Variants in GPM6A observed in about 807,000 individuals in gnomAD.
GPM6A encodes the protein glycoprotein M6A.
In GPM6A, 7 loss-of-function variants were observed where a neutral mutation model predicts 32.1. That is an observed-to-expected ratio of 0.22 (90% CI 0.12 to 0.41). The LOEUF is 0.41. GPM6A is among the 10% of genes least tolerant of loss of function. GPM6A has a pLI of 1.00. For synonymous variants in GPM6A, 130 were observed against 123.4 expected, an observed-to-expected ratio of 1.05 and a Z score of -0.35; for missense variants, 235 against 347.2, an observed-to-expected ratio of 0.68 and a Z score of 2.57.
intron 1 of GPM6A, among the ~76,000 whole-genome samples, chr4:175,997,669 T>C (rs780327717): frequency 7.9e-5 from 12 of 152,152 alleles, no homozygotes; most frequent in Non-Finnish European, 1.8e-4. Context: ...GAGGGTGTCA[T>C]AGTTTTCCTG....
At position 175,684,340 on chromosome 4, in the gene GPM6A, CT is replaced by C. The variant is rs1743854724; in HGVS notation, c.231-10505del. Among the ~76,000 whole-genome samples, 3 of 152,112 alleles carry C rather than the reference CT, an allele frequency of 2.0e-5. No individual in the cohort carries two copies. The South Asian group carries it at 6.2e-4, about 31-fold the overall frequency. On this transcript the variant is annotated intron_variant, in intron 2 of 6. Transcript: ENST00000393658. ...TTATCAGTGTTTATTTTTATTACAT[CT>C]CATCTGGGATTTTATCACAGTTAGA...
At chr4:175,847,927 T>C (rs1332724124) in intron 1 of GPM6A, among the ~76,000 whole-genome samples, 1 of 152,210 alleles carries the variant, frequency 6.6e-6, no homozygotes, top group Non-Finnish European at 1.5e-5. Context: ...GGTATGGCAC[T>C]ATCATCCACT....
intron 1 of GPM6A, among the ~76,000 whole-genome samples, chr4:175,917,253 AGTTTT>A (rs1243524130): frequency 5.3e-5 from 8 of 151,824 alleles, no homozygotes; most frequent in Admixed American, 3.9e-4. Context: ...ACACAATCAC[AGTTTT>A]GTTTTGTTTT....
At chr4:175,677,198 T>C (rs939571356) in intron 2 of GPM6A, among the ~76,000 whole-genome samples, 8 of 152,206 alleles carry the variant, frequency 5.3e-5, no homozygotes, top group African/African-American at 9.6e-5. Context: ...ATGAATATTA[T>C]ATAATGTGTG....
chr4:175,961,472 CA>C (rs1177184106), intron 1 of GPM6A: 1 of 152,116 alleles, frequency 6.6e-6, no homozygotes, highest in African/African-American at 2.4e-5. Flanking sequence ...CACAGAAATC[CA>C]ATTCCCTGGA....
At chr4:175,901,628 C>CTTTTTTTTTTTTTTCTTTTTTTTTTTTT (rs59461626) in intron 1 of GPM6A, among the ~76,000 whole-genome samples, 1 of 127,032 alleles carries the variant, frequency 7.9e-6, no homozygotes, top group African/African-American at 3.0e-5. Context: ...TTTTCTTTTT[C>CTTTTTTTTTTTTTTCTTTTTTTTTTTTT]TTTTTTTTTT....
chr4:175,836,743 T>C (rs1735780666), intron 1 of GPM6A, among the ~76,000 whole-genome samples: 1 of 152,042 alleles, frequency 6.6e-6, no homozygotes, highest in Non-Finnish European at 1.5e-5. Context: ...TAGAATATGA[T>C]GTTACAATGA....
chr4:175,656,535 CTT>C (rs2110932507), intron 3 of GPM6A, among the ~76,000 whole-genome samples: 2 of 152,190 alleles, frequency 1.3e-5, no homozygotes, highest in East Asian at 3.9e-4. Flanking sequence ...ATTCTAATCA[CTT>C]TTAGAAATCT....
upstream of GPM6A, among the ~76,000 whole-genome samples, chr4:175,815,410 G>C (rs1735066636): frequency 6.6e-6 from 1 of 152,126 alleles, no homozygotes; most frequent in Non-Finnish European, 1.5e-5. Context: ...TCTTAAACTA[G>C]TTAGAAAAGA....
intron 1 of GPM6A, among the ~76,000 whole-genome samples, chr4:175,901,700 T>C (rs1172592262): frequency 1.3e-5 from 2 of 148,842 alleles, no homozygotes; most frequent in East Asian, 2.0e-4. Context: ...TGCAGTGGTG[T>C]AATGCAACCT....
At chr4:175,977,949 T>G (rs1424952493) in intron 1 of GPM6A, among the ~76,000 whole-genome samples, 9 of 152,200 alleles carry the variant, frequency 5.9e-5, no homozygotes, top group Non-Finnish European at 1.0e-4. Context: ...CTCCAAATAC[T>G]ATGTGGTCCT....
At chr4:175,806,400 A>G (rs1205457528) in intron 1 of GPM6A, among the ~76,000 whole-genome samples, 1 of 152,230 alleles carries the variant, frequency 6.6e-6, no homozygotes, top group African/African-American at 2.4e-5. Flanking sequence ...TATATCAAGC[A>G]CTTTCATTTG....
intron 1 of GPM6A, among the ~76,000 whole-genome samples, chr4:175,860,280 G>A (rs1010892130): frequency 6.6e-6 from 1 of 150,930 alleles, no homozygotes; most frequent in African/African-American, 2.4e-5. Flanking sequence ...AAAAAAAATC[G>A]ATAAAATTAA....
chr4:175,838,108 C>CAG (rs1553994305), intron 1 of GPM6A, among the ~76,000 whole-genome samples: 14 of 62,852 alleles, frequency 2.2e-4, no homozygotes, highest in Admixed American at 7.6e-4. Flanking sequence ...CACACACACA[C>CAG]ACAGACACAC....
At chr4:176,002,360 C>G (rs553881817), upstream of GPM6A, 4 of 1,573,412 alleles carry the variant, frequency 2.5e-6, no homozygotes, top group Non-Finnish European at 2.6e-6. Flanking sequence ...AGCGAGTGAC[C>G]AGACGCTGCG....
At chr4:175,785,580 T>G (rs1001978320) in intron 1 of GPM6A, among the ~76,000 whole-genome samples, 14 of 152,216 alleles carry the variant, frequency 9.2e-5, no homozygotes, top group African/African-American at 3.4e-4. Flanking sequence ...CCAAACTGAT[T>G]ATTCTTTTAA....
intron 1 of GPM6A, among the ~76,000 whole-genome samples, chr4:175,930,284 A>G (rs947412924): frequency 6.6e-6 from 1 of 152,116 alleles, no homozygotes; most frequent in African/African-American, 2.4e-5. Context: ...AGGGAAGTTT[A>G]TTTTATAGTC....
chr4:175,760,262 G>A (rs1041341917), intron 1 of GPM6A, among the ~76,000 whole-genome samples: 1 of 152,102 alleles, frequency 6.6e-6, no homozygotes, highest in African/African-American at 2.4e-5. Context: ...ATTGATCCAT[G>A]TGTGTACTTC....
chr4:175,770,561 C>T (rs1411171725), intron 1 of GPM6A, among the ~76,000 whole-genome samples: 1 of 152,140 alleles, frequency 6.6e-6, no homozygotes, highest in Non-Finnish European at 1.5e-5. Context: ...TTCTCTCTCA[C>T]ACTTTCTTCT....
Sources: gnomAD v4.1 joint callset for allele counts (sites outside exome capture counted in the v4.1 genomes callset) on GRCh38, gnomAD v4.1.1 for gene constraint, MANE v1.5 for transcripts, NCBI Gene and HGNC (gene_info 2026-07-23, HGNC 2026-07-21) for gene names.